GALNT4: variants seen among roughly 807,000 people sequenced by gnomAD.
GALNT4 encodes the protein UDP-GalNAc:polypeptide N-acetylgalactosaminyltransferase 4.
In GALNT4, 23 loss-of-function variants were observed where a neutral mutation model predicts 45.1. That is an observed-to-expected ratio of 0.51 (90% CI 0.37 to 0.72). The LOEUF (loss-of-function observed/expected upper bound fraction) is 0.72, where lower values mean the gene tolerates loss of function less well. Among genes scored for constraint, GALNT4 ranks in the 30% least tolerant of loss-of-function variants. The pLI, the probability that GALNT4 is intolerant of heterozygous loss-of-function variation, is 0.00. For synonymous variants in GALNT4, 264 were observed against 257.6 expected, an observed-to-expected ratio of 1.02 and a Z score of -0.24; for missense variants, 757 against 709.0, an observed-to-expected ratio of 1.07 and a Z score of -0.77.
chr12:89,523,186 G>C lies in GALNT4; in HGVS notation c.1364C>G (p.Ser455Cys). The change falls in exon 1 of 1, where the codon TCT becomes TGT. Residue 455 changes from serine to cysteine, a missense_variant. Ser to Cys is a moderately radical substitution (Grantham distance 112). Transcript: ENST00000529983. Reference protein sequence around the residue: ...HGAIRSRGISSECLDYNSPDN... With the variant: ...HGAIRSRGISCECLDYNSPDN... ...AGGAGAATTATAATCTAAACATTCAGACGAGATCCCTCTACTGCGAATAGC... is the reference window on the plus strand; with the variant it reads ...AGGAGAATTATAATCTAAACATTCACACGAGATCCCTCTACTGCGAATAGC... The C allele has an allele frequency of 2.5e-6, 4 of 1,613,852 alleles. No homozygotes were observed. Among genetic ancestry groups the C allele is most frequent in the Non-Finnish European group, 1.7e-6 (2 of 1,179,786 alleles).
rs1232765490 is a variant in GALNT4, at chr12:89,523,957, A to G, written c.593T>C (p.Leu198Ser). ...CCCCTCTCGCTTATTGGTCCTAATCAAGCGTACTCTATCAAGATTGCTGAT... is the reference window on the plus strand; with the variant it reads ...CCCCTCTCGCTTATTGGTCCTAATCGAGCGTACTCTATCAAGATTGCTGAT... The part of the protein sequence containing the change: ...TYISNLDRVR[L>S]IRTNKREGLV... Residue 198 changes from leucine (L) to serine (S), a missense_variant, in exon 1 of 1, where the codon TTG becomes TCG. Coordinates refer to ENST00000529983, the MANE Select transcript of GALNT4 (RefSeq NM_003774.5). The G allele has an allele frequency of 1.2e-6, 2 of 1,613,638 alleles. No homozygotes were observed. The highest frequency in any genetic ancestry group is 1.7e-6 in the Non-Finnish European group (2 of 1,179,814).
Position 89,522,703 on chromosome 12 carries a change from G to A in GALNT4, c.*110C>T, listed in dbSNP as rs887232577. 103 of 1,391,898 alleles carry A rather than the reference G, an allele frequency of 7.4e-5. No individual in the cohort carries two copies. Among genetic ancestry groups the A allele is most frequent in the Middle Eastern group, 4.6e-4 (2 of 4,332 alleles). The allele number at this position is 1,391,898 out of a possible 1,614,324, so 86.2% of individuals were successfully genotyped here. On this transcript the variant is annotated 3_prime_UTR_variant, in exon 1 of 1. Coordinates refer to ENST00000529983, the MANE Select transcript of GALNT4 (RefSeq NM_003774.5). ...CCCAGCTTTCCAGTGCTCCACAGAT[G>A]ACTGCTAGGTGGCTTTTGATAAAAT...
At position 89,523,084 on chromosome 12, in the gene GALNT4, G is replaced by A; in HGVS notation, c.1466C>T (p.Thr489Ile). 1.2e-6 allele frequency: 2 copies of A among 1,613,830 alleles called. No homozygotes were observed. The highest frequency in any genetic ancestry group is 1.7e-6 in the Non-Finnish European group (2 of 1,179,770). ...ATTAAACCTTATTTCTTTGTTTGAA[G>A]TATATTCAAAGAATTGATTGCCTCC... ...GQGGNQFFEY[T>I]SNKEIRFNSV... The change falls in exon 1 of 1, where the codon ACT (threonine) becomes ATT (isoleucine). Residue 489 changes from threonine (T) to isoleucine (I), a missense_variant. Coordinates refer to ENST00000529983, the MANE Select transcript of GALNT4 (RefSeq NM_003774.5).
chr12:89,523,391 T>C lies in GALNT4; in HGVS notation c.1159A>G (p.Met387Val). The change falls in exon 1 of 1, where the codon ATG becomes GTG. Residue 387 changes from methionine (M) to valine (V), a missense_variant. Met to Val is a conservative substitution (Grantham distance 21). Coordinates refer to ENST00000529983, the MANE Select transcript of GALNT4 (RefSeq NM_003774.5). ...TAGAAGTGCTCTTTGTATTCATCCA[T>C]CCAAACTTCTGCTGCCCGAGCAGTA... ...QNTARAAEVW[M>V]DEYKEHFYNR... The C allele has an allele frequency of 6.2e-7, 1 of 1,614,070 alleles. No individual in the cohort carries two copies. The highest frequency in any genetic ancestry group is 8.5e-7 in the Non-Finnish European group (1 of 1,179,898).
rs1220596962 is a variant in GALNT4 at position 89,520,550 on chromosome 12, C to G, written c.*2263G>C. The G allele has an allele frequency of 6.6e-6, 1 of 152,058 alleles. No homozygotes were observed. Among genetic ancestry groups the G allele is most frequent in the African/African-American group, 2.4e-5 (1 of 41,400 alleles). 9.4% of individuals were successfully genotyped at this position (152,058 alleles called of 1,614,324 possible). The stretch of plus-strand genomic sequence containing the variant: ...TAAATGCAGGGCCAAGCATGCTGCA[C>G]GTGGAATCTGGACAATTTTTTGATA... On this transcript the variant is annotated 3_prime_UTR_variant, in exon 1 of 1. Transcript: ENST00000529983.
In GALNT4 at chr12:89,524,777, T is replaced by A; in HGVS notation, c.-228A>T. The A allele has an allele frequency of 1.6e-6, 1 of 624,686 alleles. No homozygotes were observed. Among genetic ancestry groups the A allele is most frequent in the Non-Finnish European group, 2.8e-6 (1 of 355,226 alleles). The allele number at this position is 624,686 out of a possible 1,614,324, so 38.7% of individuals were successfully genotyped here. On this transcript the variant is annotated 5_prime_UTR_variant, in exon 1 of 1. Transcript: ENST00000529983. The stretch of plus-strand genomic sequence containing the variant: ...CTCTCCCTACTTCCTCCTGCTCGGC[T>A]CACAACTTTTCACAAACTCTCCAGC...
In GALNT4 at chr12:89,524,135, C is replaced by G. The variant is rs754037235; in HGVS notation, c.415G>C (p.Val139Leu). ...GCTTCGTTATAGAAAGCAATGATAA[C>G]AGAGGTGGTAGGAAGTGTCCTATAG... ...FNYRTLPTTS[V>L]IIAFYNEAWS... Residue 139 changes from valine (V) to leucine (L), a missense_variant, in exon 1 of 1, where the codon GTT becomes CTT. Coordinates refer to ENST00000529983, the MANE Select transcript of GALNT4 (RefSeq NM_003774.5). 1.5e-5 allele frequency: 24 copies of G among 1,613,882 alleles called. No homozygotes were observed. The highest frequency in any genetic ancestry group is 2.0e-5 in the Non-Finnish European group (24 of 1,179,896).
chr12:89,524,643 A>G lies in GALNT4; in HGVS notation c.-94T>C, dbSNP rs573291114. On this transcript the variant is annotated 5_prime_UTR_variant, in exon 1 of 1. Coordinates refer to ENST00000529983, the MANE Select transcript of GALNT4 (RefSeq NM_003774.5). ...CACAGCTCGAGCTCAGGTACTTCCC[A>G]GCAGGTTCTTCCTTTCATGCAGGCG... The G allele has an allele frequency of 7.5e-7, 1 of 1,336,646 alleles. No homozygotes were observed. Among genetic ancestry groups the G allele is most frequent in the African/African-American group, 1.5e-5 (1 of 68,394 alleles). 82.8% of individuals were successfully genotyped at this position (1,336,646 alleles called of 1,614,324 possible).
rs778786547 is a variant in GALNT4, at chr12:89,524,348, G to T, written c.202C>A (p.Pro68Thr). 3.1e-6 allele frequency: 5 copies of T among 1,613,856 alleles called. No individual in the cohort carries two copies. The African/African-American group carries it at 6.7e-5, about 22-fold the overall frequency. ...DLSRPLYKKP[P>T]ADSRALGEWG... ...TCCCCAAGTGCACGGGAATCTGCAG[G>T]GGGCTTCTTATAAAGCGGTCGAGAC... Residue 68 changes from proline (P) to threonine (T), a missense_variant, in exon 1 of 1, where the codon CCT becomes ACT. Physicochemically the swap from Pro to Thr is conservative, Grantham distance 38 (BLOSUM62 -1). Transcript: ENST00000529983.
rs1871264195 is a variant in GALNT4 at position 89,524,710 on chromosome 12, T to C, written c.-161A>G. The stretch of plus-strand genomic sequence containing the variant: ...CCACCCAGGCTTTCCAGGGGTCACC[T>C]GAGCCCTCTCGGTCCTCGGCCTCCG... On this transcript the variant is annotated 5_prime_UTR_variant, in exon 1 of 1. Transcript: ENST00000529983. The C allele has an allele frequency of 1.3e-6, 1 of 744,344 alleles. No homozygotes were observed. The highest frequency in any genetic ancestry group is 1.8e-5 in the African/African-American group (1 of 56,446). 46.1% of individuals were successfully genotyped at this position (744,344 alleles called of 1,614,324 possible).
rs1277759388 is a variant in GALNT4 at position 89,522,747 on chromosome 12, A to C, written c.*66T>G. On this transcript the variant is annotated 3_prime_UTR_variant, in exon 1 of 1. Coordinates refer to ENST00000529983, the MANE Select transcript of GALNT4 (RefSeq NM_003774.5). ...ATAAAATAAAATACAATCTTCACTG[A>C]GGCTCTTAAGGCTCTTTGACTTTCT... 1.3e-5 allele frequency: 19 copies of C among 1,504,188 alleles called. No individual in the cohort carries two copies. The highest frequency in any genetic ancestry group is 1.6e-5 in the Non-Finnish European group (18 of 1,128,356). 93.2% of individuals were successfully genotyped at this position (1,504,188 alleles called of 1,614,324 possible). A position where few individuals can be genotyped will look rare whatever the true frequency, so the allele number is the denominator to read the frequency against.
chr12:89,520,977 G>A lies in GALNT4; in HGVS notation c.*1836C>T, dbSNP rs1870801003. The A allele has an allele frequency of 6.6e-6, 1 of 151,988 alleles. No homozygotes were observed. Among genetic ancestry groups the A allele is most frequent in the African/African-American group, 2.4e-5 (1 of 41,376 alleles). 9.4% of individuals were successfully genotyped at this position (151,988 alleles called of 1,614,324 possible). ...ATTCTTAGTCAAAATATTACTTTCA[G>A]AGTCTAAAGGTTTTAAAAACAAAAT... On this transcript the variant is annotated 3_prime_UTR_variant, in exon 1 of 1. Coordinates refer to ENST00000529983, the MANE Select transcript of GALNT4 (RefSeq NM_003774.5).
rs780529311 is a variant in GALNT4, at chr12:89,523,886, C to T, written c.664G>A (p.Val222Ile). 2.3e-5 allele frequency: 36 copies of T among 1,577,408 alleles called. 1 individual carries two copies. The highest frequency in any genetic ancestry group is 1.7e-4 in the Middle Eastern group (1 of 5,836). The change falls in exon 1 of 1, where the codon GTC becomes ATC. Residue 222 changes from valine to isoleucine, a missense_variant. Transcript: ENST00000529983. ...CAGTGACAATCCAGGAAAGTGAGGA[C>T]GTCCCCAGTGGCGAAAGTGGCCCCA... is the stretch of plus-strand genomic sequence containing the variant. ...LIGATFATGD[V>I]LTFLDCHCEC...
rs1282619011 is a variant in GALNT4, at chr12:89,520,248, G to T, written c.*2565C>A. The T allele has an allele frequency of 1.3e-5, 2 of 151,976 alleles. No individual in the cohort carries two copies. The highest frequency in any genetic ancestry group is 1.3e-4 in the Admixed American group (2 of 15,268). 9.4% of individuals were successfully genotyped at this position (151,976 alleles called of 1,614,324 possible). A position where few individuals can be genotyped will look rare whatever the true frequency, so the allele number is the denominator to read the frequency against. ...GGCAAAAAGTCAATAAAGAATTAAG[G>T]TACTTTATTTTTAAAAGCCTCATTT... On this transcript the variant is annotated 3_prime_UTR_variant, in exon 1 of 1. Coordinates refer to ENST00000529983, the MANE Select transcript of GALNT4 (RefSeq NM_003774.5).
rs756796961 is a variant in GALNT4 at position 89,523,627 on chromosome 12, G to A, written c.923C>T (p.Thr308Ile). The change falls in exon 1 of 1, where the codon ACC becomes ATC. Residue 308 changes from threonine (T) to isoleucine (I), a missense_variant. Coordinates refer to ENST00000529983, the MANE Select transcript of GALNT4 (RefSeq NM_003774.5). ...ISRIDPIRSPTMAGGLFAVSK... is the reference protein window; with the variant it reads ...ISRIDPIRSPIMAGGLFAVSK... ...GACAGCAAACAGTCCTCCAGCCATGGTAGGTGATCTGATGGGGTCAATTCT... is the reference window on the plus strand; with the variant it reads ...GACAGCAAACAGTCCTCCAGCCATGATAGGTGATCTGATGGGGTCAATTCT... The A allele has an allele frequency of 1.3e-6, 2 of 1,546,220 alleles. No homozygotes were observed. The highest frequency in any genetic ancestry group is 1.7e-6 in the Non-Finnish European group (2 of 1,151,666).
In GALNT4 at chr12:89,522,891, T is replaced by C. The variant is rs1298285678; in HGVS notation, c.1659A>G (p.Thr553=). 1.2e-6 allele frequency: 2 copies of C among 1,613,502 alleles called. No individual in the cohort carries two copies. Among genetic ancestry groups the C allele is most frequent in the Non-Finnish European group, 1.7e-6 (2 of 1,179,812 alleles). The change falls in exon 1 of 1, where the codon ACA becomes ACG. Residue 553 remains threonine (T), a synonymous_variant. Transcript: ENST00000529983. ...TTTGTACATCAGGTCGGCCCTCCGG[T>C]GTCCGATAAGCACTAAGACACAGTC... The part of the protein sequence containing the change: ...HSGLCLSAYR[T]PEGRPDVQMR...
Position 89,522,748 on chromosome 12 carries a change from G to C in GALNT4, c.*65C>G. The stretch of plus-strand genomic sequence containing the variant: ...TAAAATAAAATACAATCTTCACTGA[G>C]GCTCTTAAGGCTCTTTGACTTTCTT... On this transcript the variant is annotated 3_prime_UTR_variant, in exon 1 of 1. Coordinates refer to ENST00000529983, the MANE Select transcript of GALNT4 (RefSeq NM_003774.5). 6.6e-7 allele frequency: 1 copy of C among 1,504,756 alleles called. No homozygotes were observed. 93.2% of individuals were successfully genotyped at this position (1,504,756 alleles called of 1,614,324 possible). A position where few individuals can be genotyped will look rare whatever the true frequency, so the allele number is the denominator to read the frequency against.
Position 89,521,046 on chromosome 12 carries a change from A to G in GALNT4, c.*1767T>C, listed in dbSNP as rs557728760. 1.3e-5 allele frequency: 2 copies of G among 152,312 alleles called. No homozygotes were observed. Among genetic ancestry groups the G allele is most frequent in the East Asian group, 1.9e-4 (1 of 5,190 alleles). 9.4% of individuals were successfully genotyped at this position (152,312 alleles called of 1,614,324 possible). ...AACGAAACGACTATGAACACTGACT[A>G]GAACTTCTTAACCCACAGAAGTAAA... On this transcript the variant is annotated 3_prime_UTR_variant, in exon 1 of 1. Coordinates refer to ENST00000529983, the MANE Select transcript of GALNT4 (RefSeq NM_003774.5).
In GALNT4 at chr12:89,520,790, A is replaced by G. The variant is rs1431273882; in HGVS notation, c.*2023T>C. ...TACTCGTGAATACAGTGGACTCTTT[A>G]CGAGGCATGCATTTTTCATAAATCT... is the stretch of plus-strand genomic sequence containing the variant. On this transcript the variant is annotated 3_prime_UTR_variant, in exon 1 of 1. Transcript: ENST00000529983. 6.6e-6 allele frequency: 1 copy of G among 152,234 alleles called. No homozygotes were observed. Among genetic ancestry groups the G allele is most frequent in the Non-Finnish European group, 1.5e-5 (1 of 68,038 alleles). 9.4% of individuals were successfully genotyped at this position (152,234 alleles called of 1,614,324 possible).
Sources: gnomAD v4.1 joint callset for allele counts on GRCh38, gnomAD v4.1.1 for gene constraint, MANE v1.5 for transcripts, NCBI Gene and HGNC (gene_info 2026-07-23, HGNC 2026-07-21) for gene names.